CD2AP: variants seen among roughly 807,000 people sequenced by gnomAD.
CD2AP encodes the protein CD2 associated protein.
A neutral mutation model predicts 85.1 loss-of-function variants in CD2AP; 46 were observed. The observed-to-expected ratio is 0.54, with a 90% CI of 0.43 to 0.69. The LOEUF (loss-of-function observed/expected upper bound fraction) is 0.69, where lower values mean the gene tolerates loss of function less well. Among genes scored for constraint, CD2AP ranks in the 30% least tolerant of loss-of-function variants. The pLI, the probability that CD2AP is intolerant of heterozygous loss-of-function variation, is 0.00. For missense variants in CD2AP, 769 were observed against 729.5 expected, an observed-to-expected ratio of 1.05 and a Z score of -0.62; for synonymous variants, 255 against 252.9, an observed-to-expected ratio of 1.01 and a Z score of -0.08.
chr6:47,544,709 A>C lies in CD2AP; in HGVS notation c.420+3A>C. ...ATATTATTGATATTAATGAAGAGGT[A>C]AGGAAAAAATGTGTTACAGGTAAAA... On this transcript the variant is annotated splice_donor_region_variant and intron_variant, in intron 4 of 17. Transcript: ENST00000359314. 1 of 1,562,994 alleles carries C rather than the reference A, an allele frequency of 6.4e-7. No individual in the cohort carries two copies. Among genetic ancestry groups the C allele is most frequent in the South Asian group, 1.1e-5 (1 of 90,026 alleles).
chr6:47,586,364 A>G (rs191768133), intron 11 of CD2AP, among the ~76,000 whole-genome samples: 75 of 152,326 alleles, frequency 4.9e-4, no homozygotes, highest in African/African-American at 1.7e-3. Context: ...ACCATTAAAA[A>G]TGTATAGAAA....
chr6:47,566,928 C>A (rs80190661), intron 5 of CD2AP, among the ~76,000 whole-genome samples: 2,381 of 152,268 alleles, frequency 0.016, 43 homozygotes, highest in African/African-American at 0.038. Flanking sequence ...ATATTGTAAA[C>A]ATATGCATGC....
chr6:47,590,219 TA>T (rs1768754324), intron 11 of CD2AP, among the ~76,000 whole-genome samples: 1 of 152,012 alleles, frequency 6.6e-6, no homozygotes, highest in Non-Finnish European at 1.5e-5. Context: ...TAACTGTGCT[TA>T]ATAAATGTTA....
chr6:47,541,101 A>G (rs1486167224), intron 3 of CD2AP, among the ~76,000 whole-genome samples: 2 of 152,142 alleles, frequency 1.3e-5, no homozygotes. Context: ...TTAAAAAATT[A>G]TGGTTACTGT....
chr6:47,551,311 T>TTA (rs1188182390), intron 4 of CD2AP, among the ~76,000 whole-genome samples: 5 of 152,226 alleles, frequency 3.3e-5, no homozygotes, highest in African/African-American at 4.8e-5. Context: ...ATACCATGTA[T>TTA]TATAGCACAG....
chr6:47,606,871 A>G (rs182760421), intron 14 of CD2AP, among the ~76,000 whole-genome samples: 1 of 152,116 alleles, frequency 6.6e-6, no homozygotes, highest in East Asian at 1.9e-4. Context: ...ATTATTTTTG[A>G]CTAGTAGTTA....
chr6:47,560,232 C>G (rs1045932178), intron 5 of CD2AP, among the ~76,000 whole-genome samples: 1 of 152,060 alleles, frequency 6.6e-6, no homozygotes, highest in Admixed American at 6.5e-5. Context: ...TGTATTTTAT[C>G]TTTATTCTTT....
At chr6:47,509,360 A>G (rs1215247697) in intron 2 of CD2AP, among the ~76,000 whole-genome samples, 1 of 152,172 alleles carries the variant, frequency 6.6e-6, no homozygotes, top group Admixed American at 6.5e-5. Context: ...ATACAGAGAC[A>G]TAAAGGGAGC....
At chr6:47,526,286 C>T (rs1281217566) in intron 2 of CD2AP, among the ~76,000 whole-genome samples, 3 of 152,022 alleles carry the variant, frequency 2.0e-5, no homozygotes, top group African/African-American at 4.8e-5. Context: ...GATTGTAGCT[C>T]GGAGGAGTTC....
chr6:47,517,577 A>G (rs1582504811), intron 2 of CD2AP, among the ~76,000 whole-genome samples: 1 of 152,140 alleles, frequency 6.6e-6, no homozygotes, highest in Admixed American at 6.5e-5. Flanking sequence ...GGCCTAAGCC[A>G]CCGCGCCTGG....
intron 13 of CD2AP, among the ~76,000 whole-genome samples, chr6:47,602,944 G>A (rs1582614167): frequency 2.0e-5 from 3 of 151,718 alleles, no homozygotes; most frequent in East Asian, 3.9e-4. Context: ...CACATTATTC[G>A]ATGGAAGCAT....
chr6:47,614,459 C>T (rs781460785), intron 17 of CD2AP, among the ~76,000 whole-genome samples: 5 of 152,140 alleles, frequency 3.3e-5, no homozygotes, highest in Non-Finnish European at 7.3e-5. Context: ...AGAAGAAAGG[C>T]TGATCAGTGT....
Position 47,607,963 on chromosome 6 carries a change from AAAG to A in CD2AP, c.1575_1577del (p.Glu525del), listed in dbSNP as rs545551160. 3.6e-4 allele frequency: 587 copies of A among 1,612,946 alleles called. No homozygotes were observed. The highest frequency in any genetic ancestry group is 5.0e-4 in the Middle Eastern group (3 of 6,054). On this transcript the variant is annotated inframe_deletion, in exon 15 of 18. Transcript: ENST00000359314. The stretch of plus-strand genomic sequence containing the variant: ...CCCCGAAAAAATCTTGAAGTTACCA[AAAG>A]AAGAAGACAGTGCCAACCTGAAGCC...
chr6:47,554,545 T>C lies in CD2AP; in HGVS notation c.421-101T>C, dbSNP rs577116820. 30 of 1,155,776 alleles carry C rather than the reference T, an allele frequency of 2.6e-5. No individual in the cohort carries two copies. In the African/African-American group the frequency reaches 4.4e-4, roughly 17 times the overall value. The allele number at this position is 1,155,776 out of a possible 1,614,324, so 71.6% of individuals were successfully genotyped here. ...TTTTAAAGGGTTTATTTCATAGTGC[T>C]AATTTTGTGCCTGTTTGCTTTTGCA... On this transcript the variant is annotated intron_variant, in intron 4 of 17. Transcript: ENST00000359314.
chr6:47,543,518 C>T (rs1361731597), intron 3 of CD2AP, among the ~76,000 whole-genome samples: 1 of 152,178 alleles, frequency 6.6e-6, no homozygotes, highest in African/African-American at 2.4e-5. Context: ...GATTAGAAGT[C>T]CAAGATCAAG....
rs538936387 is a variant in CD2AP at position 47,521,691 on chromosome 6, C to G, written c.166-11911C>G. ...AAAAGCTAATAAACGTAGTTGATACCCTTTAAGTTATGACTTGCTTCTGAA... is the reference window on the plus strand; with the variant it reads ...AAAAGCTAATAAACGTAGTTGATACGCTTTAAGTTATGACTTGCTTCTGAA... On this transcript the variant is annotated intron_variant, in intron 2 of 17. Transcript: ENST00000359314. Among the ~76,000 whole-genome samples the G allele has an allele frequency of 2.6e-5, 4 of 152,136 alleles. No individual in the cohort carries two copies. The East Asian group carries it at 7.7e-4, about 29-fold the overall frequency.
At chr6:47,547,246 T>C (rs1030044059) in intron 4 of CD2AP, among the ~76,000 whole-genome samples, 26 of 152,156 alleles carry the variant, frequency 1.7e-4, no homozygotes, top group Non-Finnish European at 8.8e-5. Context: ...ATTTGACATA[T>C]ACAGAATTGC....
chr6:47,527,387 A>T (rs1304415649), intron 2 of CD2AP, among the ~76,000 whole-genome samples: 1 of 152,232 alleles, frequency 6.6e-6, no homozygotes, highest in Non-Finnish European at 1.5e-5. Flanking sequence ...CAAGAGACCA[A>T]AGTGATTCCA....
chr6:47,621,498 A>T (rs549425042), intron 17 of CD2AP, among the ~76,000 whole-genome samples: 2 of 152,120 alleles, frequency 1.3e-5, no homozygotes, highest in Non-Finnish European at 2.9e-5. Context: ...ACTGGTCTGT[A>T]GTTTTCGTTT....
Sources: allele counts gnomAD v4.1 joint callset (sites outside exome capture counted in the v4.1 genomes callset), GRCh38; gene constraint gnomAD v4.1.1; transcripts MANE v1.5; gene names NCBI Gene and HGNC (gene_info 2026-07-23, HGNC 2026-07-21).